MACROD2: variants seen among roughly 807,000 people sequenced by gnomAD.
MACROD2 encodes mono-ADP ribosylhydrolase 2, also known as ADP-ribose glycohydrolase MACROD2.
Under a neutral mutation model 70.4 loss-of-function variants are expected in MACROD2, and 36 were observed. The ratio of observed to expected loss-of-function variants is 0.51; its 90% CI spans 0.39 to 0.68. MACROD2 has a LOEUF of 0.68. Ranked by LOEUF, MACROD2 falls within the 30% of genes least tolerant of loss-of-function variation. MACROD2 has a pLI of 0.00. For missense variants in MACROD2, 496 were observed against 538.4 expected, an observed-to-expected ratio of 0.92 and a Z score of 0.78; for synonymous variants, 172 against 178.8, an observed-to-expected ratio of 0.96 and a Z score of 0.30.
chr20:15,694,625 C>T (rs7269539), intron 8 of MACROD2, among the ~76,000 whole-genome samples: 39,311 of 151,902 alleles, frequency 0.26, 6,438 homozygotes, highest in African/African-American at 0.47. Context: ...TAGTCCTTTG[C>T]CAGATGTATA....
intron 5 of MACROD2, among the ~76,000 whole-genome samples, chr20:15,084,077 T>TGTTTTTTTTTGTTTTG (rs2075727932): frequency 6.2e-5 from 9 of 145,792 alleles, no homozygotes; most frequent in African/African-American, 2.1e-4. Flanking sequence ...TTTTTGTTTT[T>TGTTTTTTTTTGTTTTG]TTTTTTTAAT....
intron 3 of MACROD2, among the ~76,000 whole-genome samples, chr20:14,279,119 T>C (rs1045156638): frequency 6.6e-5 from 10 of 152,158 alleles, no homozygotes; most frequent in African/African-American, 1.4e-4. Context: ...AAATTCTAAT[T>C]GATGTGTTGT....
At chr20:14,281,276 T>C (rs1485455454) in intron 3 of MACROD2, among the ~76,000 whole-genome samples, 1 of 152,208 alleles carries the variant, frequency 6.6e-6, no homozygotes, top group Non-Finnish European at 1.5e-5. Context: ...TATTACAGTA[T>C]GGATAAACCT....
chr20:15,595,191 G>C (rs1210609494), intron 8 of MACROD2, among the ~76,000 whole-genome samples: 8 of 152,310 alleles, frequency 5.3e-5, no homozygotes, highest in African/African-American at 1.9e-4. Context: ...AAGTTCTGGA[G>C]GTCCACTGCA....
intron 3 of MACROD2, among the ~76,000 whole-genome samples, chr20:14,263,736 G>A (rs2082119447): frequency 6.6e-6 from 1 of 151,982 alleles, no homozygotes; most frequent in African/African-American, 2.4e-5. Flanking sequence ...CAAGGTGAGT[G>A]GATCAGTTGA....
intron 2 of MACROD2, among the ~76,000 whole-genome samples, chr20:14,037,165 A>G (rs538274207): frequency 2.6e-5 from 4 of 152,310 alleles, no homozygotes; most frequent in African/African-American, 7.2e-5. Context: ...CTTGAGATGT[A>G]TAAGAGCCTT....
In MACROD2 at chr20:14,748,865, G is replaced by A. The variant is rs185382804; in HGVS notation, c.418+63906G>A. Among the ~76,000 whole-genome samples the A allele has an allele frequency of 6.2e-3, 945 of 152,100 alleles. 19 individuals are homozygous for A. The highest frequency in any genetic ancestry group is 0.021 in the African/African-American group (883 of 41,444). ...AGCATCTCTGCCATCCATGCACCAC[G>A]GTAGTCTAGAGCAACTGAGAAAACC... On this transcript the variant is annotated intron_variant, in intron 5 of 17. Transcript: ENST00000684519.
intron 5 of MACROD2, among the ~76,000 whole-genome samples, chr20:14,815,192 T>G (rs2122188030): frequency 6.6e-6 from 1 of 152,206 alleles, no homozygotes; most frequent in South Asian, 2.1e-4. Flanking sequence ...CTGCATGCTG[T>G]TATTTCCTAG....
intron 5 of MACROD2, among the ~76,000 whole-genome samples, chr20:15,033,292 T>A (rs2075289194): frequency 6.6e-6 from 1 of 152,166 alleles, no homozygotes; most frequent in African/African-American, 2.4e-5. Flanking sequence ...CTTAAAATGT[T>A]TACCTCTGCT....
chr20:15,896,142 G>C (rs1043073005), intron 10 of MACROD2, among the ~76,000 whole-genome samples: 7 of 152,140 alleles, frequency 4.6e-5, no homozygotes, highest in Non-Finnish European at 1.0e-4. Context: ...CCAGCTTAGA[G>C]TTATCAATGT....
chr20:15,258,939 G>T (rs183826711), intron 6 of MACROD2, among the ~76,000 whole-genome samples: 46 of 152,036 alleles, frequency 3.0e-4, no homozygotes, highest in African/African-American at 1.0e-3. Flanking sequence ...TTTCCTACAG[G>T]ACAAGAGAGC....
intron 2 of MACROD2, among the ~76,000 whole-genome samples, chr20:14,058,666 A>G (rs1400686389): frequency 7.9e-6 from 1 of 127,350 alleles, no homozygotes; most frequent in Non-Finnish European, 1.6e-5. Context: ...TTTTTTTGAG[A>G]CAGAGTCTCG....
At chr20:15,310,883 A>C (rs1001435496) in intron 6 of MACROD2, among the ~76,000 whole-genome samples, 2 of 152,212 alleles carry the variant, frequency 1.3e-5, no homozygotes, top group African/African-American at 4.8e-5. Flanking sequence ...AAAGGAACCC[A>C]TATGTAGTTT....
intron 5 of MACROD2, among the ~76,000 whole-genome samples, chr20:14,878,825 A>G (rs1286285944): frequency 6.6e-6 from 1 of 152,106 alleles, no homozygotes; most frequent in East Asian, 1.9e-4. Flanking sequence ...ACACTCTTCC[A>G]GTTCAAAGGC....
intron 3 of MACROD2, among the ~76,000 whole-genome samples, chr20:14,107,650 A>G (rs1378079071): frequency 2.0e-5 from 3 of 151,850 alleles, no homozygotes; most frequent in Admixed American, 6.6e-5. Context: ...GAAAAGAAAC[A>G]TATAACATAA....
intron 5 of MACROD2, among the ~76,000 whole-genome samples, chr20:15,074,400 G>T (rs761067730): frequency 1.1e-4 from 17 of 152,178 alleles, no homozygotes; most frequent in Non-Finnish European, 2.4e-4. Flanking sequence ...CGACTGGAGG[G>T]TACCCCCCTG....
chr20:14,325,548 C>T (rs1389209915), intron 3 of MACROD2: 4 of 1,599,072 alleles, frequency 2.5e-6, no homozygotes, highest in Non-Finnish European at 3.4e-6. Flanking sequence ...TGCTGTGAGT[C>T]CTTCAGCATC....
At chr20:14,034,221 G>A (rs577340613) in intron 2 of MACROD2, among the ~76,000 whole-genome samples, 34 of 152,102 alleles carry the variant, frequency 2.2e-4, no homozygotes, top group African/African-American at 2.9e-4. Context: ...TGATCCGCCC[G>A]CCTCAGCCTC....
chr20:14,547,417 GATGTTGTA>G (rs959273887), intron 4 of MACROD2: 5 of 222,232 alleles, frequency 2.2e-5, no homozygotes, highest in African/African-American at 1.2e-4. Flanking sequence ...CCTTCAGGCA[GATGTTGTA>G]TAAGGCTTAT....
Sources: gnomAD v4.1 joint callset for allele counts (sites outside exome capture counted in the v4.1 genomes callset) on GRCh38, gnomAD v4.1.1 for gene constraint, MANE v1.5 for transcripts, NCBI Gene and HGNC (gene_info 2026-07-23, HGNC 2026-07-21) for gene names.